The following COL11A1 variants were observed in gnomAD, a reference collection of about 807,000 sequenced individuals.
COL11A1 encodes the protein collagen alpha-1(XI) chain.
COL11A1 carries 74 observed loss-of-function variants against 265.2 expected under a neutral mutation model. The observed-to-expected ratio is 0.28, with a 90% CI of 0.23 to 0.34. The LOEUF (loss-of-function observed/expected upper bound fraction) is 0.34, where lower values mean the gene tolerates loss of function less well. Among genes scored for constraint, COL11A1 ranks in the 10% least tolerant of loss-of-function variants. The pLI, the probability that COL11A1 is intolerant of heterozygous loss-of-function variation, is 1.00. For synonymous variants in COL11A1, 816 were observed against 727.6 expected (o/e 1.12, Z -1.96); for missense variants, 2,165 against 2,263.6 (o/e 0.96, Z 0.88).
At chr1:103,006,525 C>CCTTTTTTTTT (rs1557935689) in intron 15 of COL11A1, among the ~76,000 whole-genome samples, 1 of 76,208 alleles carries the variant, frequency 1.3e-5, no homozygotes, top group African/African-American at 3.5e-5. Flanking sequence ...TAAATGGCTC[C>CCTTTTTTTTT]ATTTTTTTTT....
chr1:103,000,357 A>G (rs969985483), intron 24 of COL11A1, among the ~76,000 whole-genome samples: 5 of 151,570 alleles, frequency 3.3e-5, no homozygotes, highest in African/African-American at 1.2e-4. Flanking sequence ...ATCCACAGAA[A>G]AAAGTACTTT....
intron 3 of COL11A1, among the ~76,000 whole-genome samples, chr1:103,075,623 A>G (rs35351574): frequency 0.052 from 7,887 of 152,208 alleles, 213 homozygotes; most frequent in Middle Eastern, 0.092. Context: ...AACAATGTAT[A>G]GTGCTAACAT....
intron 36 of COL11A1, among the ~76,000 whole-genome samples, chr1:102,973,004 A>T (rs148908050): frequency 0.013 from 1,934 of 152,120 alleles, 37 homozygotes; most frequent in African/African-American, 0.044. Flanking sequence ...TATATATATA[A>T]AATTTTTTCC....
At chr1:102,903,903 C>A (rs1653555252) in intron 54 of COL11A1, among the ~76,000 whole-genome samples, 1 of 152,188 alleles carries the variant, frequency 6.6e-6, no homozygotes, top group South Asian at 2.1e-4. Flanking sequence ...CACTCAGTTG[C>A]TCAGGCTGGA....
rs76379510 is a variant in COL11A1, at chr1:102,946,972, A to G, written c.3169-16T>C. On this transcript the variant is annotated splice_polypyrimidine_tract_variant and intron_variant, in intron 41 of 66. Coordinates refer to ENST00000370096, the MANE Select transcript of COL11A1 (RefSeq NM_001854.4). ...CTGGTGAGCCCTAGTATACAGGAAA[A>G]GAAGTATTTTGTTATTAAAGAAAGT... The G allele has an allele frequency of 1.6e-3, 2,534 of 1,596,996 alleles. 33 individuals are homozygous for G. In the African/African-American group the frequency reaches 0.031, roughly 20 times the overall value.
In COL11A1 at chr1:103,001,557, A is replaced by G. The variant is rs1384907403; in HGVS notation, c.2142+368T>C. On this transcript the variant is annotated intron_variant, in intron 24 of 66. Coordinates refer to ENST00000370096, the MANE Select transcript of COL11A1 (RefSeq NM_001854.4). ...ACAACTTCACAACTTTCCTTTCATC[A>G]TGTCTTCCTACAAATCTTTTGTCAC... 2.6e-5 allele frequency: 12 copies of G among 458,662 alleles called. No homozygotes were observed. The highest frequency in any genetic ancestry group is 3.8e-5 in the Non-Finnish European group (10 of 261,870). 28.4% of individuals were successfully genotyped at this position (458,662 alleles called of 1,614,324 possible). A position where few individuals can be genotyped will look rare whatever the true frequency, so the allele number is the denominator to read the frequency against.
chr1:103,009,625 G>T (rs1158594308), intron 14 of COL11A1, among the ~76,000 whole-genome samples: 1 of 152,078 alleles, frequency 6.6e-6, no homozygotes, highest in Non-Finnish European at 1.5e-5. Flanking sequence ...AATACTGTGT[G>T]TTCTAAAAGA....
intron 44 of COL11A1, among the ~76,000 whole-genome samples, chr1:102,938,054 A>G (rs1658331071): frequency 6.6e-6 from 1 of 152,174 alleles, no homozygotes; most frequent in African/African-American, 2.4e-5. Flanking sequence ...AATTATTACT[A>G]CAAGCTTTTT....
chr1:102,885,608 A>G (rs1650868274), intron 63 of COL11A1, among the ~76,000 whole-genome samples: 1 of 152,136 alleles, frequency 6.6e-6, no homozygotes, highest in Non-Finnish European at 1.5e-5. Flanking sequence ...TCTGAAACAA[A>G]TTAGAATTCC....
chr1:102,910,090 T>C (rs1249462163), intron 54 of COL11A1, among the ~76,000 whole-genome samples: 1 of 152,020 alleles, frequency 6.6e-6, no homozygotes, highest in Non-Finnish European at 1.5e-5. Flanking sequence ...TAGGTTTATA[T>C]ATAAGTTTTG....
intron 36 of COL11A1, among the ~76,000 whole-genome samples, chr1:102,974,514 A>G (rs960333196): frequency 6.6e-6 from 1 of 152,184 alleles, no homozygotes; most frequent in Admixed American, 6.5e-5. Context: ...TATACCAAAT[A>G]TTTAAGAGTT....
chr1:102,907,761 A>T (rs1654163393), intron 54 of COL11A1, among the ~76,000 whole-genome samples: 1 of 151,922 alleles, frequency 6.6e-6, no homozygotes, highest in Admixed American at 6.6e-5. Context: ...TTATGCATGC[A>T]TCTGTAGTGC....
chr1:102,998,402 AT>A (rs769073568), intron 24 of COL11A1, 39 bp from the exon 25 acceptor site: 1 of 1,446,454 alleles, frequency 6.9e-7, no homozygotes, highest in South Asian at 1.4e-5. Context: ...GATAAAAATA[AT>A]TTTAAAAAGC....
At chr1:103,043,387 G>T (rs1668990682) in intron 4 of COL11A1, among the ~76,000 whole-genome samples, 1 of 113,072 alleles carries the variant, frequency 8.8e-6, no homozygotes. Context: ...TTACAGCCTG[G>T]GCTCCTTACT....
chr1:103,067,404 A>T (rs566849656), intron 4 of COL11A1, among the ~76,000 whole-genome samples: 1 of 151,758 alleles, frequency 6.6e-6, no homozygotes, highest in Non-Finnish European at 1.5e-5. Context: ...GAAATAAAAT[A>T]AAAAAAGAAA....
At chr1:102,997,017 A>T (rs891350340) in intron 26 of COL11A1, 63 bp downstream of exon 26, 11 of 1,396,384 alleles carry the variant, frequency 7.9e-6, no homozygotes, top group African/African-American at 1.4e-5. Flanking sequence ...AGATGACCAA[A>T]TTAAGGCATT....
rs377053075 is a variant in COL11A1, at chr1:103,006,255, G to A, written c.1737+7C>T. The A allele has an allele frequency of 6.2e-7, 1 of 1,606,922 alleles. No individual in the cohort carries two copies. Among genetic ancestry groups the A allele is most frequent in the East Asian group, 2.3e-5 (1 of 44,114 alleles). ...CCTTCAAAATGCACAATGAAAATAA[G>A]CCATACCCTTTTTCCAGGTTTTCCC... On this transcript the variant is annotated splice_region_variant and intron_variant, in intron 16 of 66. Coordinates refer to ENST00000370096, the MANE Select transcript of COL11A1 (RefSeq NM_001854.4).
At chr1:102,946,713 C>A (rs968682135) in intron 42 of COL11A1, 136 bp downstream of exon 42, 5 of 726,374 alleles carry the variant, frequency 6.9e-6, no homozygotes, top group South Asian at 3.2e-5. Context: ...TATACATATA[C>A]GAGCCAGGGT....
chr1:102,987,662 G>A lies in COL11A1; in HGVS notation c.2473C>T (p.Pro825Ser), dbSNP rs773937298. Reference protein sequence around the residue: ...PKGRAGPTGDPGPSGQAGEKG... With the variant: ...PKGRAGPTGDSGPSGQAGEKG... ...TCTCCTGCTTGACCTGAAGGACCTG[G>A]GTCTCCAGTTGGGCCTGCTCGACCT... Residue 825 changes from proline to serine, a missense_variant, in exon 30 of 67, where the codon CCA becomes TCA. Physicochemically the swap from Pro to Ser is moderately conservative, Grantham distance 74. Coordinates refer to ENST00000370096, the MANE Select transcript of COL11A1 (RefSeq NM_001854.4). The A allele has an allele frequency of 6.2e-7, 1 of 1,613,442 alleles. No homozygotes were observed. The highest frequency in any genetic ancestry group is 8.5e-7 in the Non-Finnish European group (1 of 1,179,664).
Sources: gnomAD v4.1 joint callset for allele counts (sites outside exome capture counted in the v4.1 genomes callset) on GRCh38, gnomAD v4.1.1 for gene constraint, MANE v1.5 for transcripts, NCBI Gene and HGNC (gene_info 2026-07-23, HGNC 2026-07-21) for gene names.